Variants in GNA12 observed in about 807,000 individuals in gnomAD.
The protein encoded by GNA12 is G protein subunit alpha 12, also known as guanine nucleotide-binding protein subunit alpha-12.
A neutral mutation model predicts 26.0 loss-of-function variants in GNA12; 9 were observed. The ratio of observed to expected loss-of-function variants is 0.35; its 90% CI spans 0.21 to 0.60. GNA12 has a LOEUF of 0.60. Ranked by LOEUF, GNA12 falls within the 20% of genes least tolerant of loss-of-function variation. The pLI, the probability that GNA12 is intolerant of heterozygous loss-of-function variation, is 0.78. For synonymous variants in GNA12, 264 were observed against 219.6 expected, an observed-to-expected ratio of 1.20 and a Z score of -1.79; for missense variants, 405 against 525.8, an observed-to-expected ratio of 0.77 and a Z score of 2.25.
intron 2 of GNA12, among the ~76,000 whole-genome samples, chr7:2,751,822 G>C (rs1386525820): frequency 6.6e-6 from 1 of 152,144 alleles, no homozygotes; most frequent in Non-Finnish European, 1.5e-5. Flanking sequence ...GTATGAAATA[G>C]AAAATTTGAA....
At chr7:2,736,609 T>C (rs911195026) in intron 2 of GNA12, among the ~76,000 whole-genome samples, 1 of 152,264 alleles carries the variant, frequency 6.6e-6, no homozygotes, top group African/African-American at 2.4e-5. Flanking sequence ...CGGGCAGATG[T>C]GATGTCGTGA....
chr7:2,742,801 G>A (rs972238791), intron 2 of GNA12, among the ~76,000 whole-genome samples: 1 of 152,164 alleles, frequency 6.6e-6, no homozygotes, highest in Non-Finnish European at 1.5e-5. Flanking sequence ...CTTCTTAAAT[G>A]GCATCTTTAA....
At chr7:2,774,664 C>T (rs1409748833) in intron 2 of GNA12, among the ~76,000 whole-genome samples, 4 of 152,220 alleles carry the variant, frequency 2.6e-5, no homozygotes. Flanking sequence ...AACCTACAGT[C>T]AACACGTGTC....
At chr7:2,757,955 T>C (rs908914119) in intron 2 of GNA12, among the ~76,000 whole-genome samples, 15 of 152,204 alleles carry the variant, frequency 9.9e-5, no homozygotes, top group African/African-American at 3.6e-4. Flanking sequence ...AAGGAATGAT[T>C]CTTCCCTCCC....
chr7:2,779,367 G>A (rs1792161718), intron 2 of GNA12, among the ~76,000 whole-genome samples: 1 of 152,064 alleles, frequency 6.6e-6, no homozygotes, highest in Non-Finnish European at 1.5e-5. Flanking sequence ...TAAATAAGTT[G>A]GGTGTGGTGG....
At chr7:2,815,937 C>A (rs1432257409) in intron 1 of GNA12, among the ~76,000 whole-genome samples, 1 of 152,232 alleles carries the variant, frequency 6.6e-6, no homozygotes, top group Non-Finnish European at 1.5e-5. Flanking sequence ...AATAGCCTTG[C>A]TGAGACTTTC....
In GNA12 at chr7:2,729,530, C is replaced by T. The variant is rs1188339865; in HGVS notation, c.*1651G>A. 6.6e-6 allele frequency: 1 copy of T among 152,398 alleles called. No homozygotes were observed. Among genetic ancestry groups the T allele is most frequent in the Non-Finnish European group, 1.5e-5 (1 of 68,054 alleles). The allele number at this position is 152,398 out of a possible 1,614,324, so 9.4% of individuals were successfully genotyped here. A position where few individuals can be genotyped will look rare whatever the true frequency, so the allele number is the denominator to read the frequency against. On this transcript the variant is annotated 3_prime_UTR_variant, in exon 4 of 4. Coordinates refer to ENST00000275364, the MANE Select transcript of GNA12 (RefSeq NM_007353.3). ...GTTCCATGCTGTCTCCCGATGAGAA[C>T]GCTGTGCTAACAGGGTGACCCAGAG...
At chr7:2,761,421 C>T (rs548810467) in intron 2 of GNA12, among the ~76,000 whole-genome samples, 3 of 152,220 alleles carry the variant, frequency 2.0e-5, no homozygotes, top group Non-Finnish European at 4.4e-5. Context: ...GGACGGCTGA[C>T]TTCATGGCAG....
Position 2,818,824 on chromosome 7 carries a change from C to T in GNA12, c.310-23681G>A, listed in dbSNP as rs571138788. 2.5e-4 allele frequency among the ~76,000 whole-genome samples: 38 copies of T among 149,580 alleles called. No individual in the cohort carries two copies. The Middle Eastern group carries it at 0.011, about 43-fold the overall frequency. On this transcript the variant is annotated intron_variant, in intron 1 of 3. Coordinates refer to ENST00000275364, the MANE Select transcript of GNA12 (RefSeq NM_007353.3). ...GGGAGGCGACTCAAAGTGGCCTCTC[C>T]CACAGGTTTCGCTTGCCGTTTTCAC...
At chr7:2,834,477 G>C (rs936751013) in intron 1 of GNA12, among the ~76,000 whole-genome samples, 6 of 152,174 alleles carry the variant, frequency 3.9e-5, no homozygotes, top group Non-Finnish European at 1.5e-5. Context: ...TGGAGAGTAG[G>C]GGCTCTGCAA....
intron 1 of GNA12, among the ~76,000 whole-genome samples, chr7:2,796,224 A>T (rs776063010): frequency 6.6e-6 from 1 of 152,230 alleles, no homozygotes; most frequent in East Asian, 1.9e-4. Flanking sequence ...AACGGTACCA[A>T]GCCCTACCTG....
intron 1 of GNA12, chr7:2,814,820 T>C: frequency 1.3e-6 from 2 of 1,539,040 alleles, no homozygotes. Context: ...CAAGCACCCT[T>C]CCTGTGCTCC....
intron 1 of GNA12, among the ~76,000 whole-genome samples, chr7:2,812,294 G>A (rs1793099723): frequency 6.6e-6 from 1 of 152,222 alleles, no homozygotes; most frequent in African/African-American, 2.4e-5. Flanking sequence ...AAGCTGCTAA[G>A]ACACGGGCAG....
intron 2 of GNA12, among the ~76,000 whole-genome samples, chr7:2,735,340 C>T (rs748440750): frequency 1.6e-4 from 25 of 152,170 alleles, no homozygotes; most frequent in Non-Finnish European, 2.9e-4. Context: ...GCACCAGGCA[C>T]GAAGGAAGCA....
chr7:2,745,032 T>C (rs1790698365), intron 2 of GNA12, among the ~76,000 whole-genome samples: 1 of 152,086 alleles, frequency 6.6e-6, no homozygotes, highest in African/African-American at 2.4e-5. Context: ...AAAGACCAAA[T>C]CTACATCTGA....
chr7:2,754,723 C>T (rs902382988), intron 2 of GNA12, among the ~76,000 whole-genome samples: 2 of 152,090 alleles, frequency 1.3e-5, no homozygotes, highest in Non-Finnish European at 2.9e-5. Context: ...CACTCCAGTC[C>T]GAGCAACAGA....
intron 2 of GNA12, among the ~76,000 whole-genome samples, chr7:2,776,325 A>C (rs2115428517): frequency 6.6e-6 from 1 of 152,306 alleles, no homozygotes; most frequent in Non-Finnish European, 1.5e-5. Flanking sequence ...GTGCTATAGA[A>C]AGAACAGAAC....
At chr7:2,835,088 G>A (rs1002514138) in intron 1 of GNA12, among the ~76,000 whole-genome samples, 10 of 152,176 alleles carry the variant, frequency 6.6e-5, no homozygotes, top group African/African-American at 2.4e-4. Flanking sequence ...TATATAACAA[G>A]GAACCTTCAG....
chr7:2,827,031 G>A (rs1172947737), intron 1 of GNA12, among the ~76,000 whole-genome samples: 1 of 152,168 alleles, frequency 6.6e-6, no homozygotes, highest in Non-Finnish European at 1.5e-5. Context: ...GGGGGAGGCA[G>A]GCAGTATGTG....
Sources: gnomAD v4.1 joint callset for allele counts (sites outside exome capture counted in the v4.1 genomes callset) on GRCh38, gnomAD v4.1.1 for gene constraint, MANE v1.5 for transcripts, NCBI Gene and HGNC (gene_info 2026-07-23, HGNC 2026-07-21) for gene names.